Variants in PSG3 observed in about 807,000 individuals in gnomAD.
PSG3 encodes the protein pregnancy specific beta-1-glycoprotein 3, also known as pregnancy-specific beta-1-glycoprotein 3.
PSG3 carries 61 observed loss-of-function variants against 47.5 expected under a neutral mutation model. The ratio of observed to expected loss-of-function variants is 1.28; its 90% CI spans 1.05 to 1.59. The LOEUF (loss-of-function observed/expected upper bound fraction) is 1.59. Ranked by LOEUF, PSG3 falls within the 40% of genes most tolerant of loss-of-function variation. The probability of loss-of-function intolerance (pLI) is 0.00; values close to 1 mark genes in which losing one functional copy is unlikely to be tolerated. For missense variants in PSG3, 756 were observed against 524.0 expected (o/e 1.44, Z -4.32); for synonymous variants, 263 against 198.4 (o/e 1.33, Z -2.74).
chr19:42,732,889 G>C lies in PSG3; in HGVS notation c.604C>G (p.Leu202Val), dbSNP rs748627079. ...TACTTTGTGACACCAAATAGAAAGA[G>C]GGTCCTTTTGTTTTTGGACAACTGC... The part of the protein sequence containing the change: ...SLQLSKNKRT[L>V]FLFGVTKYTA... The change falls in exon 3 of 7, where the codon CTC (leucine) becomes GTC (valine). Residue 202 changes from leucine (L) to valine (V), a missense_variant. Physicochemically the swap from Leu to Val is conservative, Grantham distance 32. Coordinates refer to ENST00000327495, the MANE Select transcript of PSG3 (RefSeq NM_021016.4). The C allele has an allele frequency of 6.2e-7, 1 of 1,614,130 alleles. No individual in the cohort carries two copies. Among genetic ancestry groups the C allele is most frequent in the Non-Finnish European group, 8.5e-7 (1 of 1,180,004 alleles).
intron 6 of PSG3, among the ~76,000 whole-genome samples, chr19:42,722,455 C>T (rs1425756921): frequency 3.9e-5 from 6 of 152,110 alleles, no homozygotes; most frequent in African/African-American, 7.2e-5. Flanking sequence ...GGGGTTTCAC[C>T]GTGTTAGCCA....
intron 5 of PSG3, 117 bp from the exon 6 acceptor site, chr19:42,724,142 T>C: frequency 7.0e-7 from 1 of 1,431,050 alleles, no homozygotes; most frequent in Non-Finnish European, 9.5e-7. Flanking sequence ...AGGACTACGT[T>C]ATTTCTGTTG....
chr19:42,726,006 G>T (rs916787085), intron 5 of PSG3, among the ~76,000 whole-genome samples: 1 of 151,182 alleles, frequency 6.6e-6, no homozygotes, highest in Non-Finnish European at 1.5e-5. Flanking sequence ...GGATAACCTA[G>T]ATGAAGTAGA....
chr19:42,738,378 A>T (rs2122199423), intron 2 of PSG3, among the ~76,000 whole-genome samples: 1 of 152,270 alleles, frequency 6.6e-6, no homozygotes, highest in Middle Eastern at 3.4e-3. Flanking sequence ...AGAGTATTTC[A>T]TGGGGCCCCT....
At chr19:42,732,726 T>C (rs1290251775) in intron 3 of PSG3, 58 bp downstream of exon 3, 8 of 1,614,042 alleles carry the variant, frequency 5.0e-6, no homozygotes, top group Non-Finnish European at 6.8e-6. Context: ...AGGCCTGGCC[T>C]CTGGCCACGT....
chr19:42,739,902 C>T (rs1384016187), intron 1 of PSG3, among the ~76,000 whole-genome samples: 1 of 152,030 alleles, frequency 6.6e-6, no homozygotes, highest in African/African-American at 2.4e-5. Flanking sequence ...GGTGTATTTT[C>T]CCCTATCCAG....
chr19:42,729,059 T>A, intron 5 of PSG3, 64 bp downstream of exon 5: 6 of 1,612,204 alleles, frequency 3.7e-6, no homozygotes, highest in South Asian at 1.1e-5. Context: ...TTCCTGACTC[T>A]TCTCTGAAAG....
At chr19:42,722,381 G>A (rs1298274724) in intron 6 of PSG3, among the ~76,000 whole-genome samples, 1 of 152,136 alleles carries the variant, frequency 6.6e-6, no homozygotes, top group Non-Finnish European at 1.5e-5. Context: ...CTCCTGAGTA[G>A]CTGGGACTAC....
intron 2 of PSG3, 69 bp downstream of exon 2, chr19:42,738,655 T>C: frequency 1.2e-6 from 2 of 1,612,000 alleles, no homozygotes; most frequent in Middle Eastern, 1.7e-4. Context: ...AATCCAGGCC[T>C]GACAATCCTT....
At chr19:42,739,156 G>T in intron 1 of PSG3, 67 bp from the exon 2 acceptor site, 1 of 1,527,304 alleles carries the variant, frequency 6.5e-7, no homozygotes, top group African/African-American at 1.4e-5. Context: ...ATGTGGCCCT[G>T]GGTCCTGAGA....
At position 42,738,962 on chromosome 19, in the gene PSG3, G is replaced by A; in HGVS notation, c.192C>T (p.Gly64=). The A allele has an allele frequency of 6.2e-7, 1 of 1,614,054 alleles. No homozygotes were observed. The highest frequency in any genetic ancestry group is 8.5e-7 in the Non-Finnish European group (1 of 1,179,974). Residue 64 remains glycine (G), a synonymous_variant, in exon 2 of 7, where the codon GGC becomes GGT. Coordinates refer to ENST00000327495, the MANE Select transcript of PSG3 (RefSeq NM_021016.4). ...LVHNLPQNLA[G]YIWYKGQMKD... is the part of the protein sequence containing the mutation. ...TCATTTGCCCTTTGTACCAGATGTA[G>A]CCAGCAAGATTCTGGGGCAAATTGT...
At chr19:42,728,515 G>A (rs1440524003) in intron 5 of PSG3, among the ~76,000 whole-genome samples, 1 of 152,204 alleles carries the variant, frequency 6.6e-6, no homozygotes, top group Non-Finnish European at 1.5e-5. Flanking sequence ...TGGCCCGGGG[G>A]AGGCTTGGCT....
At chr19:42,738,625 G>T in intron 2 of PSG3, 99 bp downstream of exon 2, 1 of 1,604,218 alleles carries the variant, frequency 6.2e-7, no homozygotes, top group Non-Finnish European at 8.5e-7. Flanking sequence ...GGGACATAAT[G>T]CAGAGAGGGA....
At chr19:42,724,636 G>A (rs912764882) in intron 5 of PSG3, among the ~76,000 whole-genome samples, 13 of 152,006 alleles carry the variant, frequency 8.6e-5, no homozygotes, top group African/African-American at 3.1e-4. Flanking sequence ...TTTTTCACAG[G>A]AATCAGCTCT....
chr19:42,736,952 G>A (rs1349014152), intron 2 of PSG3, among the ~76,000 whole-genome samples: 1 of 152,120 alleles, frequency 6.6e-6, no homozygotes, highest in Non-Finnish European at 1.5e-5. Flanking sequence ...GGGAGTGTCT[G>A]GGGAAGACCT....
At chr19:42,725,629 G>T (rs976545091) in intron 5 of PSG3, among the ~76,000 whole-genome samples, 2 of 152,134 alleles carry the variant, frequency 1.3e-5, no homozygotes, top group Admixed American at 6.5e-5. Flanking sequence ...GGAAGTCACA[G>T]CAGAAGGATT....
chr19:42,739,356 G>A lies in PSG3; in HGVS notation c.65-267C>T, dbSNP rs552219938. On this transcript the variant is annotated intron_variant, in intron 1 of 6. Transcript: ENST00000327495. ...TTCTGTTTGGAATCCTCTTCCCCAG[G>A]GGTCCGCACGGCCCCCTCCACACTG... 17 of 499,850 alleles carry A rather than the reference G, an allele frequency of 3.4e-5. No individual in the cohort carries two copies. In the East Asian group the frequency reaches 3.9e-4, roughly 11 times the overall value. The allele number at this position is 499,850 out of a possible 1,614,324, so 31.0% of individuals were successfully genotyped here.
chr19:42,734,578 A>T (rs894781754), intron 2 of PSG3, among the ~76,000 whole-genome samples: 2 of 152,240 alleles, frequency 1.3e-5, no homozygotes, highest in East Asian at 3.8e-4. Flanking sequence ...TGATCCAAAC[A>T]TCTAAGATCA....
At chr19:42,738,309 G>C (rs1969600625) in intron 2 of PSG3, among the ~76,000 whole-genome samples, 1 of 152,168 alleles carries the variant, frequency 6.6e-6, no homozygotes, top group Admixed American at 6.5e-5. Context: ...AGATTTATCT[G>C]GAGCAAGGAT....
Sources: allele counts gnomAD v4.1 joint callset (sites outside exome capture counted in the v4.1 genomes callset), GRCh38; gene constraint gnomAD v4.1.1; transcripts MANE v1.5; gene names NCBI Gene and HGNC (gene_info 2026-07-23, HGNC 2026-07-21).